ANKRD28: variants seen among roughly 807,000 people sequenced by gnomAD.
The protein encoded by ANKRD28 is serine/threonine-protein phosphatase 6 regulatory ankyrin repeat subunit A.
Under a neutral mutation model 126.5 loss-of-function variants are expected in ANKRD28, and 44 were observed. The observed-to-expected ratio is 0.35, with a 90% CI of 0.27 to 0.45. The LOEUF is 0.45. Among genes scored for constraint, ANKRD28 ranks in the 20% least tolerant of loss-of-function variants. ANKRD28 has a pLI of 1.00. For missense variants in ANKRD28, 1,110 were observed against 1,316.6 expected (o/e 0.84, Z 2.43); for synonymous variants, 442 against 468.5 (o/e 0.94, Z 0.73).
intron 15 of ANKRD28, among the ~76,000 whole-genome samples, chr3:15,695,916 A>C (rs1444567792): frequency 2.6e-5 from 4 of 152,228 alleles, no homozygotes; most frequent in African/African-American, 9.6e-5. Context: ...TGGGGTAATC[A>C]GTAGCCCTCT....
At chr3:15,730,273 G>A (rs777920325) in intron 6 of ANKRD28, among the ~76,000 whole-genome samples, 3 of 152,212 alleles carry the variant, frequency 2.0e-5, no homozygotes, top group Non-Finnish European at 4.4e-5. Flanking sequence ...AAAGATGAAT[G>A]TGTAAAGGGA....
intron 8 of ANKRD28, among the ~76,000 whole-genome samples, chr3:15,716,680 C>T (rs2073103094): frequency 6.6e-6 from 1 of 152,108 alleles, no homozygotes; most frequent in Non-Finnish European, 1.5e-5. Flanking sequence ...ACAACCCCCA[C>T]AACTCAAAAC....
intron 19 of ANKRD28, 30 bp from the exon 20 acceptor site, chr3:15,686,149 T>C (rs948276102): frequency 6.2e-7 from 1 of 1,603,466 alleles, no homozygotes; most frequent in South Asian, 1.1e-5. Context: ...GGTTCAGTGC[T>C]GTCACTTAAG....
At chr3:15,766,141 A>G in intron 3 of ANKRD28, 93 bp downstream of exon 3, 1 of 895,592 alleles carries the variant, frequency 1.1e-6, no homozygotes, top group Non-Finnish European at 1.7e-6. Flanking sequence ...TATGAACAAC[A>G]GGCCATGCAG....
In ANKRD28 at chr3:15,812,175, G is replaced by A. The variant is rs4685263; in HGVS notation, c.28-16869C>T. Among the ~76,000 whole-genome samples, 80,887 of 134,562 alleles carry A rather than the reference G, an allele frequency of 0.6. 22,489 individuals carry two copies. The highest frequency in any genetic ancestry group is 0.67 in the Admixed American group (9,364 of 14,046). 88.3% of individuals were successfully genotyped at this position (134,562 alleles called of 152,430 possible). A position where few individuals can be genotyped will look rare whatever the true frequency, so the allele number is the denominator to read the frequency against. On this transcript the variant is annotated intron_variant, in intron 1 of 27. Coordinates refer to the ANKRD28 transcript ENST00000399451. The surrounding 1 kb of genome is among the most constrained non-coding windows in gnomAD (Gnocchi z 4.1). ...CAAACAAAACAAAACAAAACAAAACGAAACCCAAAACAACAATAAAATGTT... is the reference window on the plus strand; with the variant it reads ...CAAACAAAACAAAACAAAACAAAACAAAACCCAAAACAACAATAAAATGTT...
chr3:15,676,075 G>A, intron 26 of ANKRD28, 86 bp from the exon 27 acceptor site: 1 of 1,150,540 alleles, frequency 8.7e-7, no homozygotes, highest in African/African-American at 1.5e-5. Flanking sequence ...GAGCATTTTT[G>A]TCAACTTGTG....
At chr3:15,835,889 A>G (rs1023309539) in intron 1 of ANKRD28, among the ~76,000 whole-genome samples, 4 of 152,260 alleles carry the variant, frequency 2.6e-5, no homozygotes, top group African/African-American at 9.6e-5. Context: ...AATAAAGAGC[A>G]CTGGTAATGG....
chr3:15,848,931 C>T (rs953011261), intron 1 of ANKRD28, among the ~76,000 whole-genome samples: 7 of 152,014 alleles, frequency 4.6e-5, no homozygotes, highest in African/African-American at 7.2e-5. Flanking sequence ...TCTCTAGTCA[C>T]GGAAAATTAT....
rs1356459469 is a variant in ANKRD28, at chr3:15,839,737, G to T, written c.27+19640C>A. Among the ~76,000 whole-genome samples, 1 of 152,160 alleles carries T rather than the reference G, an allele frequency of 6.6e-6. No individual in the cohort carries two copies. Among genetic ancestry groups the T allele is most frequent in the Non-Finnish European group, 1.5e-5 (1 of 68,032 alleles). On this transcript the variant is annotated intron_variant, in intron 1 of 27. Coordinates refer to the ANKRD28 transcript ENST00000399451. The surrounding 1 kb of genome is among the most constrained non-coding windows in gnomAD (Gnocchi z 4.3). ...GGACTTATCCCCCGAGGGATGCAAGGATGGTTCAACACATGCAATCAATTA... is the reference window on the plus strand; with the variant it reads ...GGACTTATCCCCCGAGGGATGCAAGTATGGTTCAACACATGCAATCAATTA...
chr3:15,671,939 A>G (rs1198405189), intron 27 of ANKRD28, among the ~76,000 whole-genome samples: 3 of 152,084 alleles, frequency 2.0e-5, no homozygotes, highest in Non-Finnish European at 4.4e-5. Flanking sequence ...AGTATGTATT[A>G]TTTCATATCT....
chr3:15,741,889 A>G (rs1266033588), intron 4 of ANKRD28, among the ~76,000 whole-genome samples: 5 of 151,178 alleles, frequency 3.3e-5, no homozygotes, highest in African/African-American at 1.2e-4. Flanking sequence ...GGCGCGCGCC[A>G]CCACGCCTGA....
rs186297761 is a variant in ANKRD28, at chr3:15,783,501, T to C, written c.201+11722A>G. ...AAGTTAAACAAGCATATTCAACCAT[T>C]CCACCACTAAACATTTACACAAGAG... On this transcript the variant is annotated intron_variant, in intron 2 of 27. Coordinates refer to ENST00000683139, the MANE Select transcript of ANKRD28 (RefSeq NM_001349278.2). Among the ~76,000 whole-genome samples the C allele has an allele frequency of 2.0e-5, 3 of 152,110 alleles. No individual in the cohort carries two copies. The East Asian group carries it at 5.8e-4, about 29-fold the overall frequency.
chr3:15,795,427 A>G, intron 1 of ANKRD28, 121 bp from the exon 2 acceptor site: 1 of 596,390 alleles, frequency 1.7e-6, no homozygotes, highest in Admixed American at 3.5e-5. Flanking sequence ...TTTTGACATT[A>G]GCCAGAAGTT....
At chr3:15,720,127 G>C (rs1314076646) in intron 8 of ANKRD28, among the ~76,000 whole-genome samples, 1 of 152,130 alleles carries the variant, frequency 6.6e-6, no homozygotes, top group Non-Finnish European at 1.5e-5. Flanking sequence ...GCCTCCCAAA[G>C]TGGTGGGATT....
chr3:15,714,547 A>C lies in ANKRD28; in HGVS notation c.1075+31T>G, dbSNP rs3046243. The C allele has an allele frequency of 3.4e-4, 492 of 1,463,614 alleles. 1 individual carries two copies. The African/African-American group carries it at 5.7e-3, about 17-fold the overall frequency. The allele number at this position is 1,463,614 out of a possible 1,614,324, so 90.7% of individuals were successfully genotyped here. A position where few individuals can be genotyped will look rare whatever the true frequency, so the allele number is the denominator to read the frequency against. Reference sequence around the variant, plus strand: ...CTACATTTAAGAAAAAAAAAAAAAAACCCCAAAAAAAAAACAGAAATACTT... The same window carrying C: ...CTACATTTAAGAAAAAAAAAAAAAACCCCCAAAAAAAAAACAGAAATACTT... On this transcript the variant is annotated intron_variant, in intron 9 of 27. Coordinates refer to ENST00000683139, the MANE Select transcript of ANKRD28 (RefSeq NM_001349278.2).
At chr3:15,795,816 A>G (rs1467579151) in intron 1 of ANKRD28, among the ~76,000 whole-genome samples, 1 of 152,148 alleles carries the variant, frequency 6.6e-6, no homozygotes, top group Non-Finnish European at 1.5e-5. Flanking sequence ...ATCAAAGACC[A>G]AAAAATACTG....
intron 3 of ANKRD28, among the ~76,000 whole-genome samples, chr3:15,757,206 A>G (rs779980170): frequency 2.0e-5 from 3 of 152,124 alleles, no homozygotes; most frequent in South Asian, 2.1e-4. Context: ...ATATGTGTTA[A>G]CTGTTTATGT....
At position 15,793,736 on chromosome 3, in the gene ANKRD28, T is replaced by C. The variant is rs960458164; in HGVS notation, c.201+1487A>G. Among the ~76,000 whole-genome samples the C allele has an allele frequency of 4.3e-4, 65 of 152,200 alleles. 2 individuals carry two copies. The highest frequency in any genetic ancestry group is 6.5e-5 in the Admixed American group (1 of 15,282). ...TCTAAGAAACGCATACTCTTCAGTA[T>C]ACCCTGGGTAAAGTAGCCAGACACT... On this transcript the variant is annotated intron_variant, in intron 2 of 27. Transcript: ENST00000683139.
chr3:15,748,818 G>A (rs1341876966), intron 4 of ANKRD28, among the ~76,000 whole-genome samples: 1 of 152,036 alleles, frequency 6.6e-6, no homozygotes, highest in Non-Finnish European at 1.5e-5. Flanking sequence ...TTCTTCCTCA[G>A]GAACACCAAC....
Sources: gnomAD v4.1 joint callset for allele counts (sites outside exome capture counted in the v4.1 genomes callset) on GRCh38, gnomAD v4.1.1 for gene constraint, Gnocchi (gnomAD v3.1) non-coding constraint, MANE v1.5 for transcripts, NCBI Gene and HGNC (gene_info 2026-07-23, HGNC 2026-07-21) for gene names.